Variants in ADGRG6 observed in about 807,000 individuals in gnomAD.
ADGRG6 encodes the protein G-protein coupled receptor 126.
In ADGRG6, 84 loss-of-function variants were observed where a neutral mutation model predicts 142.4. That is an observed-to-expected ratio of 0.59 (90% confidence interval 0.49 to 0.71). The LOEUF (loss-of-function observed/expected upper bound fraction) is 0.71, where lower values mean the gene tolerates loss of function less well. Among genes scored for constraint, ADGRG6 ranks in the 30% least tolerant of loss-of-function variants. The probability of loss-of-function intolerance (pLI) is 0.00; values close to 1 mark genes in which losing one functional copy is unlikely to be tolerated. For synonymous variants in ADGRG6, 521 were observed against 520.5 expected (o/e 1.00, Z -0.01); for missense variants, 1,367 against 1,466.6 (o/e 0.93, Z 1.11).
chr6:142,355,016 A>G (rs1262068354), intron 2 of ADGRG6, among the ~76,000 whole-genome samples: 2 of 152,200 alleles, frequency 1.3e-5, no homozygotes, highest in Non-Finnish European at 2.9e-5. Flanking sequence ...AGAGTGATCT[A>G]TTATCCAAAC....
chr6:142,303,447 A>G (rs1484485992), intron 1 of ADGRG6, among the ~76,000 whole-genome samples: 1 of 152,168 alleles, frequency 6.6e-6, no homozygotes, highest in East Asian at 1.9e-4. Context: ...GCACTCTGTA[A>G]CTCTGTTCCA....
chr6:142,427,664 C>T (rs1224344887), intron 22 of ADGRG6, among the ~76,000 whole-genome samples: 2 of 152,082 alleles, frequency 1.3e-5, no homozygotes, highest in African/African-American at 4.8e-5. Flanking sequence ...TACGGATAAA[C>T]ACATACCCAA....
chr6:142,309,812 T>C (rs1309018731), intron 2 of ADGRG6, among the ~76,000 whole-genome samples, 168 bp downstream of exon 2: 2 of 151,800 alleles, frequency 1.3e-5, no homozygotes, highest in African/African-American at 4.8e-5. Context: ...GTCTGTTCTC[T>C]TTGAATTTTG....
chr6:142,409,941 G>T (rs768327526), intron 17 of ADGRG6, 22 bp downstream of exon 17: 7 of 1,211,424 alleles, frequency 5.8e-6, no homozygotes, highest in Middle Eastern at 1.9e-4. Flanking sequence ...AATATTGGTT[G>T]TCTTAATATA....
chr6:142,365,582 G>C (rs1233190388), intron 2 of ADGRG6, among the ~76,000 whole-genome samples: 4 of 152,144 alleles, frequency 2.6e-5, no homozygotes, highest in Non-Finnish European at 4.4e-5. Context: ...AGAGGAACAT[G>C]GTGCTCCAGG....
chr6:142,311,272 C>T (rs1777756946), intron 2 of ADGRG6, among the ~76,000 whole-genome samples: 1 of 151,822 alleles, frequency 6.6e-6, no homozygotes, highest in Non-Finnish European at 1.5e-5. Context: ...TTATTTCCTG[C>T]ATTATTAAAC....
At position 142,444,137 on chromosome 6, in the gene ADGRG6, T is replaced by C. The variant is rs931939497; in HGVS notation, c.*622T>C. ...TGCTTAAGAAAACTTTCCCAAAATG[T>C]TGACCTAGTTAAATGAGGCTATATA... On this transcript the variant is annotated 3_prime_UTR_variant, in exon 25 of 25. Transcript: ENST00000367609. 1.4e-4 allele frequency: 22 copies of C among 152,352 alleles called. No individual in the cohort carries two copies. Among genetic ancestry groups the C allele is most frequent in the African/African-American group, 5.3e-4 (22 of 41,598 alleles). 9.4% of individuals were successfully genotyped at this position (152,352 alleles called of 1,614,324 possible).
intron 2 of ADGRG6, among the ~76,000 whole-genome samples, chr6:142,357,230 T>G (rs1019979760): frequency 1.3e-5 from 2 of 152,182 alleles, no homozygotes; most frequent in East Asian, 1.9e-4. Flanking sequence ...AGATCATCTG[T>G]TTCTCTTCCC....
chr6:142,304,221 G>T (rs1243662566), intron 1 of ADGRG6, among the ~76,000 whole-genome samples: 1 of 152,098 alleles, frequency 6.6e-6, no homozygotes, highest in Admixed American at 6.5e-5. Flanking sequence ...AATTTTAATA[G>T]ATTCAAGTTC....
intron 11 of ADGRG6, among the ~76,000 whole-genome samples, 199 bp from the exon 12 acceptor site, chr6:142,401,795 G>A (rs1386356356): frequency 6.6e-6 from 1 of 151,886 alleles, no homozygotes; most frequent in Non-Finnish European, 1.5e-5. Flanking sequence ...AGGCTAGAGA[G>A]ATAGAACGTA....
chr6:142,318,367 A>ATATATATT (rs1174065991), intron 2 of ADGRG6, among the ~76,000 whole-genome samples: 1 of 101,832 alleles, frequency 9.8e-6, no homozygotes, highest in Non-Finnish European at 1.8e-5. Context: ...TATAATATTT[A>ATATATATT]TATATATTTA....
intron 6 of ADGRG6, among the ~76,000 whole-genome samples, chr6:142,389,714 G>A (rs1448636854): frequency 6.6e-6 from 1 of 151,762 alleles, no homozygotes; most frequent in Non-Finnish European, 1.5e-5. Context: ...TGAAAAGTCT[G>A]GTGAAATGCA....
chr6:142,336,547 A>G (rs925820580), intron 2 of ADGRG6, among the ~76,000 whole-genome samples: 4 of 152,168 alleles, frequency 2.6e-5, no homozygotes, highest in Admixed American at 2.0e-4. Context: ...GCAGCTACAA[A>G]ACATGCTACT....
Position 142,446,113 on chromosome 6 carries a change from TG to T in ADGRG6, c.*2600del, listed in dbSNP as rs1418773246. ...TCTAAATACTTTGTGAAATCATTTTTGGTAGCAATATCTTTGAATATGATGA... is the reference window on the plus strand; with the variant it reads ...TCTAAATACTTTGTGAAATCATTTTTGTAGCAATATCTTTGAATATGATGA... On this transcript the variant is annotated 3_prime_UTR_variant, in exon 25 of 25. Transcript: ENST00000367609. 2.0e-5 allele frequency: 3 copies of T among 152,646 alleles called. No homozygotes were observed. The highest frequency in any genetic ancestry group is 4.4e-5 in the Non-Finnish European group (3 of 68,022). 9.5% of individuals were successfully genotyped at this position (152,646 alleles called of 1,614,324 possible).
chr6:142,425,983 C>G (rs900748252), intron 22 of ADGRG6, among the ~76,000 whole-genome samples: 2 of 152,164 alleles, frequency 1.3e-5, no homozygotes, highest in Non-Finnish European at 2.9e-5. Flanking sequence ...CAATCACCTT[C>G]CACTGGGTTC....
At chr6:142,423,886 A>C (rs1168945833) in intron 22 of ADGRG6, among the ~76,000 whole-genome samples, 1,845 of 132,718 alleles carry the variant, frequency 0.014, 33 homozygotes, top group African/African-American at 0.048. Context: ...GGTCCTTCAC[A>C]TCCCTTGTAA....
chr6:142,332,376 A>G (rs1032685907), intron 2 of ADGRG6, among the ~76,000 whole-genome samples: 3 of 152,208 alleles, frequency 2.0e-5, no homozygotes, highest in African/African-American at 7.2e-5. Context: ...TTACATAGAC[A>G]TTGAAAGTTT....
At chr6:142,380,507 C>A (rs2114923234) in intron 4 of ADGRG6, among the ~76,000 whole-genome samples, 1 of 152,274 alleles carries the variant, frequency 6.6e-6, no homozygotes, top group Non-Finnish European at 1.5e-5. Context: ...AGCAGCTATC[C>A]ATTGTTTGTG....
intron 4 of ADGRG6, among the ~76,000 whole-genome samples, chr6:142,376,633 G>T (rs1781516997): frequency 6.6e-6 from 1 of 151,864 alleles, no homozygotes; most frequent in Non-Finnish European, 1.5e-5. Flanking sequence ...ACAAATGATT[G>T]AATGTAATAT....
Sources: allele counts gnomAD v4.1 joint callset (sites outside exome capture counted in the v4.1 genomes callset), GRCh38; gene constraint gnomAD v4.1.1; transcripts MANE v1.5; gene names NCBI Gene and HGNC (gene_info 2026-07-23, HGNC 2026-07-21).